The following BANP variants were observed in gnomAD, a reference collection of about 807,000 sequenced individuals.
BANP encodes protein BANP.
BANP carries 11 observed loss-of-function variants against 68.1 expected under a neutral mutation model. The ratio of observed to expected loss-of-function variants is 0.16; its 90% CI spans 0.10 to 0.27. The LOEUF (loss-of-function observed/expected upper bound fraction) is 0.27. Among genes scored for constraint, BANP ranks in the 10% least tolerant of loss-of-function variants. BANP has a pLI of 1.00. For missense variants in BANP, 504 were observed against 722.7 expected (o/e 0.70, Z 3.47); for synonymous variants, 329 against 303.2 (o/e 1.09, Z -0.88).
In BANP at chr16:88,002,088, T is replaced by C. The variant is rs2069568965; in HGVS notation, c.363-2207T>C. 6.6e-6 allele frequency among the ~76,000 whole-genome samples: 1 copy of C among 152,114 alleles called. No individual in the cohort carries two copies. Among genetic ancestry groups the C allele is most frequent in the Non-Finnish European group, 1.5e-5 (1 of 68,014 alleles). On this transcript the variant is annotated intron_variant, in intron 4 of 13. Transcript: ENST00000682872. The surrounding 1 kb of genome is among the most constrained non-coding windows in gnomAD (Gnocchi z 4.6). The stretch of plus-strand genomic sequence containing the variant: ...TGAAGAGCTGGATAGGGCTTTTTGG[T>C]TAATTATTGAATCAATGGATGATTA...
Position 88,018,664 on chromosome 16 carries a change from C to T in BANP, c.892C>T (p.Arg298Trp). 3.2e-6 allele frequency: 5 copies of T among 1,557,364 alleles called. No homozygotes were observed. Among genetic ancestry groups the T allele is most frequent in the Non-Finnish European group, 4.3e-6 (5 of 1,150,330 alleles). Residue 298 changes from arginine to tryptophan, a missense_variant, in exon 7 of 14, where the codon CGG (arginine) becomes TGG (tryptophan). Coordinates refer to ENST00000682872, the MANE Select transcript of BANP (RefSeq NM_001386991.1). This position sits in a 1 kb window ranked among gnomAD's most constrained non-coding sequence, Gnocchi z 7.7. ...QLDPLTIYGI[R>W]CHLFYKFGIT... ...GGACCCGCTCACCATCTACGGCATC[C>T]GGTGTAAGTCGGGCCCCGCCTTGGG...
intron 7 of BANP, among the ~76,000 whole-genome samples, chr16:88,026,312 G>A (rs1035446072): frequency 6.6e-6 from 1 of 152,234 alleles, no homozygotes; most frequent in African/African-American, 2.4e-5. Flanking sequence ...CCCGTAAGGA[G>A]TTTGTACTCT....
Position 88,004,514 on chromosome 16 carries a change from A to T in BANP, c.479+103A>T. On this transcript the variant is annotated intron_variant, in intron 5 of 13. Transcript: ENST00000682872. This position sits in a 1 kb window ranked among gnomAD's most constrained non-coding sequence, Gnocchi z 7.0. ...CAGGGCACAGTCCAGCACACGCTTC[A>T]TCTCTGTGGTCACAGGGTTGAGCCT... 1 of 661,060 alleles carries T rather than the reference A, an allele frequency of 1.5e-6. No homozygotes were observed. The allele number at this position is 661,060 out of a possible 1,614,324, so 40.9% of individuals were successfully genotyped here.
At chr16:88,052,324 T>C (rs2152829365) in intron 11 of BANP, among the ~76,000 whole-genome samples, 1 of 152,322 alleles carries the variant, frequency 6.6e-6, no homozygotes, top group Admixed American at 6.5e-5. Context: ...GGGGCCCCTC[T>C]CTGAAGTTAG....
intron 11 of BANP, among the ~76,000 whole-genome samples, chr16:88,044,626 T>G (rs775392300): frequency 2.0e-5 from 3 of 152,244 alleles, no homozygotes; most frequent in Non-Finnish European, 4.4e-5. Context: ...AAAGTTGTAA[T>G]TGAGTAGCTG....
chr16:88,020,445 G>A (rs2075796086), intron 7 of BANP, among the ~76,000 whole-genome samples: 1 of 151,434 alleles, frequency 6.6e-6, no homozygotes. Context: ...CTTGCTGTGT[G>A]GATCACAGTG....
intron 6 of BANP, among the ~76,000 whole-genome samples, chr16:88,012,217 C>T (rs1046883022): frequency 2.6e-5 from 4 of 152,180 alleles, no homozygotes; most frequent in African/African-American, 7.2e-5. Flanking sequence ...CGACACAGCC[C>T]GGTGCTGCCT....
In BANP at chr16:88,049,163, G is replaced by A. The variant is rs77671238; in HGVS notation, c.1311+11152G>A. On this transcript the variant is annotated intron_variant, in intron 11 of 13. Transcript: ENST00000682872. ...ATGGGTTGAGGGCTCGGGGACTGCC[G>A]CCCAACCACACCAGTTGCAAGTTCG... 9.2e-3 allele frequency among the ~76,000 whole-genome samples: 1,400 copies of A among 152,200 alleles called. 13 individuals are homozygous for A. The highest frequency in any genetic ancestry group is 0.015 in the Non-Finnish European group (1,009 of 68,000).
chr16:87,959,188 G>A (rs1010545444), intron 1 of BANP, among the ~76,000 whole-genome samples: 1 of 152,250 alleles, frequency 6.6e-6, no homozygotes, highest in Admixed American at 6.5e-5. Flanking sequence ...CTGTGAAGCC[G>A]CTCGACTCTG....
rs564152419 is a variant in BANP, at chr16:87,975,709, C to A, written c.70+524C>A. Among the ~76,000 whole-genome samples the A allele has an allele frequency of 1.2e-4, 18 of 150,234 alleles. No individual in the cohort carries two copies. In the South Asian group the frequency reaches 3.8e-3, roughly 32 times the overall value. On this transcript the variant is annotated intron_variant, in intron 2 of 13. Coordinates refer to ENST00000682872, the MANE Select transcript of BANP (RefSeq NM_001386991.1). ...CTTACCATGTGGTGTGTGTAATCCC[C>A]TGTGCGTGGCGTCATGGAACCTTCC... is the stretch of plus-strand genomic sequence containing the variant.
intron 1 of BANP, among the ~76,000 whole-genome samples, chr16:87,966,251 G>A (rs962259671): frequency 1.3e-5 from 2 of 152,132 alleles, no homozygotes; most frequent in Admixed American, 6.5e-5. Flanking sequence ...GTTACTCTGG[G>A]CTGTAGGCCC....
At position 88,064,303 on chromosome 16, in the gene BANP, G is replaced by A. The variant is rs906471426; in HGVS notation, c.1312-964G>A. ...TGGCAGCGCTCCCAGCACCCTGTGC[G>A]TCCCTTGCACCCTTGCCCTGTGGTC... On this transcript the variant is annotated intron_variant, in intron 11 of 13. Coordinates refer to ENST00000682872, the MANE Select transcript of BANP (RefSeq NM_001386991.1). This position sits in a 1 kb window ranked among gnomAD's most constrained non-coding sequence, Gnocchi z 4.5. Among the ~76,000 whole-genome samples the A allele has an allele frequency of 2.6e-5, 4 of 152,226 alleles. No homozygotes were observed. Among genetic ancestry groups the A allele is most frequent in the Admixed American group, 1.3e-4 (2 of 15,286 alleles).
chr16:88,011,728 G>A (rs74040256), intron 6 of BANP, among the ~76,000 whole-genome samples: 47,302 of 151,966 alleles, frequency 0.31, 8,039 homozygotes, highest in East Asian at 0.49. Flanking sequence ...TTTAGAGCGA[G>A]GTCACCCTAT....
In BANP at chr16:88,057,353, G is replaced by C. The variant is rs112771692; in HGVS notation, c.1312-7914G>C. ...TATCTTCTGGAAGGCTACCAGAGTA[G>C]CTGCCTGCGAAAGGAAACCTGGGCG... is the stretch of plus-strand genomic sequence containing the variant. On this transcript the variant is annotated intron_variant, in intron 11 of 13. Transcript: ENST00000682872. This position sits in a 1 kb window ranked among gnomAD's most constrained non-coding sequence, Gnocchi z 4.6. Among the ~76,000 whole-genome samples the C allele has an allele frequency of 5.5e-3, 837 of 152,282 alleles. 6 individuals are homozygous for C. The highest frequency in any genetic ancestry group is 0.018 in the African/African-American group (767 of 41,566).
At chr16:88,034,646 A>C (rs1031098277) in intron 9 of BANP, among the ~76,000 whole-genome samples, 1 of 152,226 alleles carries the variant, frequency 6.6e-6, no homozygotes, top group Non-Finnish European at 1.5e-5. Context: ...AGCTGAACGT[A>C]TCATTTGAAA....
rs148183732 is a variant in BANP, at chr16:88,044,875, G to A, written c.1311+6864G>A. ...CAGGCGCCTGTAGTCTCAGCTACTC[G>A]GGAGGCTGAGGCAGGAGAATGGCTT... On this transcript the variant is annotated intron_variant, in intron 11 of 13. Transcript: ENST00000682872. Among the ~76,000 whole-genome samples the A allele has an allele frequency of 7.8e-3, 1,189 of 152,192 alleles. 21 individuals are homozygous for A. Among genetic ancestry groups the A allele is most frequent in the African/African-American group, 0.027 (1,128 of 41,518 alleles).
intron 7 of BANP, among the ~76,000 whole-genome samples, chr16:88,019,741 G>C (rs1016213975): frequency 6.6e-6 from 1 of 151,838 alleles, no homozygotes; most frequent in Non-Finnish European, 1.5e-5. Flanking sequence ...AGCGTGCAGG[G>C]CCAGCTGTTC....
At position 87,968,496 on chromosome 16, in the gene BANP, AAAT is replaced by A. The variant is rs200146639; in HGVS notation, c.-68-6549_-68-6547del. On this transcript the variant is annotated intron_variant, in intron 1 of 13. Transcript: ENST00000682872. Reference sequence around the variant, plus strand: ...TGAAACTCTGTCTCAAAAAAAAAAAAAATAAGTTTAGTTTATCCCTTTAATAAT... The same window carrying A: ...TGAAACTCTGTCTCAAAAAAAAAAAAAAGTTTAGTTTATCCCTTTAATAAT... 8.4e-4 allele frequency among the ~76,000 whole-genome samples: 127 copies of A among 151,826 alleles called. 1 individual carries two copies. In the East Asian group the frequency reaches 0.021, roughly 25 times the overall value.
At chr16:87,962,239 C>CAAAA (rs10660621) in intron 1 of BANP, among the ~76,000 whole-genome samples, 1,802 of 79,070 alleles carry the variant, frequency 0.023, 251 homozygotes, top group African/African-American at 0.062. Context: ...GACTTGGTCT[C>CAAAA]AAAAAAAAAA....
Sources: allele counts gnomAD v4.1 joint callset (sites outside exome capture counted in the v4.1 genomes callset), GRCh38; gene constraint gnomAD v4.1.1; non-coding constraint Gnocchi (gnomAD v3.1); transcripts MANE v1.5; gene names NCBI Gene and HGNC (gene_info 2026-07-23, HGNC 2026-07-21).